The following SREBF2 variants were observed in gnomAD, a reference collection of about 807,000 sequenced individuals.
The protein encoded by SREBF2 is sterol regulatory element binding transcription factor 2, also known as sterol regulatory element-binding protein 2.
Under a neutral mutation model 113.1 loss-of-function variants are expected in SREBF2, and 55 were observed. The observed-to-expected ratio is 0.49, with a 90% CI of 0.39 to 0.61. The LOEUF is 0.61. SREBF2 is among the 20% of genes least tolerant of loss of function. SREBF2 has a pLI of 0.00. For missense variants in SREBF2, 1,349 were observed against 1,487.4 expected, an observed-to-expected ratio of 0.91 and a Z score of 1.53; for synonymous variants, 593 against 605.7, an observed-to-expected ratio of 0.98 and a Z score of 0.31.
intron 18 of SREBF2, 54 bp downstream of exon 18, chr22:41,905,028 AGAGAG>A: frequency 8.9e-6 from 13 of 1,462,678 alleles, no homozygotes; most frequent in Non-Finnish European, 1.1e-5. Context: ...CGCCCTAGGA[AGAGAG>A]GAGAAGAGGG....
At chr22:41,876,370 T>A (rs1404119596) in intron 7 of SREBF2, among the ~76,000 whole-genome samples, 1 of 152,224 alleles carries the variant, frequency 6.6e-6, no homozygotes, top group Non-Finnish European at 1.5e-5. Context: ...TATTGTATCA[T>A]ATACTTAATT....
chr22:41,877,242 C>G lies in SREBF2; in HGVS notation c.1400C>G (p.Pro467Arg). The G allele has an allele frequency of 6.2e-7, 1 of 1,614,182 alleles. No individual in the cohort carries two copies. Among genetic ancestry groups the G allele is most frequent in the African/African-American group, 1.3e-5 (1 of 75,032 alleles). Reference sequence around the variant, plus strand: ...CTTGTTTTGAAGGTCAAAGATGAGCCAGACTCTCCTCCTGTGGCGCTGGGC... The same window carrying G: ...CTTGTTTTGAAGGTCAAAGATGAGCGAGACTCTCCTCCTGTGGCGCTGGGC... Reference protein sequence around the residue: ...LLDDAKVKDEPDSPPVALGMV... With the variant: ...LLDDAKVKDERDSPPVALGMV... Residue 467 changes from proline (P) to arginine (R), a missense_variant, in exon 8 of 19, where the codon CCA becomes CGA. Coordinates refer to ENST00000361204, the MANE Select transcript of SREBF2 (RefSeq NM_004599.4).
intron 9 of SREBF2, among the ~76,000 whole-genome samples, chr22:41,878,359 G>A (rs1490047124): frequency 6.6e-6 from 1 of 152,174 alleles, no homozygotes; most frequent in Non-Finnish European, 1.5e-5. Context: ...TCTGAGGGAG[G>A]GGTTCTAGGG....
chr22:41,897,765 A>G (rs1039524599), intron 14 of SREBF2, among the ~76,000 whole-genome samples: 8 of 152,042 alleles, frequency 5.3e-5, no homozygotes, highest in Non-Finnish European at 7.4e-5. Flanking sequence ...GGAGGGAGGG[A>G]TCCCAGAAAA....
intron 1 of SREBF2, 28 bp from the exon 2 acceptor site, chr22:41,866,803 A>G (rs1475789512): frequency 1.2e-6 from 2 of 1,612,990 alleles, no homozygotes; most frequent in Non-Finnish European, 1.7e-6. Flanking sequence ...GGATAGCAAT[A>G]AAATTACTCC....
rs765350516 is a variant in SREBF2, at chr22:41,884,931, C to T, written c.2128C>T (p.Pro710Ser). Residue 710 changes from proline to serine, a missense_variant, in exon 11 of 19, where the codon CCG becomes TCG. This residue lies in a region of SREBF2 where 650 missense variants were observed against 644.1 expected (regional missense o/e 1.01). Transcript: ENST00000361204. The part of the protein sequence containing the change: ...LAECAEEKIP[P>S]STLVEIHLTA... ...TGAATGTGCAGAGGAGAAGATCCCA[C>T]CGAGCACACTGGTTGAGATCCATCT... 2 of 1,614,164 alleles carry T rather than the reference C, an allele frequency of 1.2e-6. No individual in the cohort carries two copies. The highest frequency in any genetic ancestry group is 2.2e-5 in the East Asian group (1 of 44,886).
rs759188548 is a variant in SREBF2, at chr22:41,894,920, C to T, written c.2478C>T (p.Asp826=). ...CTCAGGCCAAGAAGAAGGCTGGAGA[C>T]CAGGAAGAAGAGAGCTGGTAAAGTC... The part of the protein sequence containing the change: ...VKPQAKKKAG[D]QEEESCEFSS... Residue 826 remains aspartate (D), a synonymous_variant, in exon 13 of 19, where the codon GAC becomes GAT. Coordinates refer to ENST00000361204, the MANE Select transcript of SREBF2 (RefSeq NM_004599.4). 12 of 1,613,934 alleles carry T rather than the reference C, an allele frequency of 7.4e-6. No homozygotes were observed. Among genetic ancestry groups the T allele is most frequent in the Non-Finnish European group, 1.0e-5 (12 of 1,179,970 alleles).
At chr22:41,873,140 T>G (rs1569394253) in intron 4 of SREBF2, among the ~76,000 whole-genome samples, 2 of 151,524 alleles carry the variant, frequency 1.3e-5, no homozygotes, top group South Asian at 4.2e-4. Context: ...GAGTTTGTGG[T>G]GAGCCGAGAT....
At position 41,859,603 on chromosome 22, in the gene SREBF2, C is replaced by CA. The variant is rs1039548473; in HGVS notation, c.89-7216dup. On this transcript the variant is annotated intron_variant, in intron 1 of 18. Transcript: ENST00000361204. ...AAAGTAAGAGTTAAAGCAAAAGTGT[C>CA]AAAAAAAAAAAACCCACTATGAATA... Among the ~76,000 whole-genome samples, 952 of 137,162 alleles carry CA rather than the reference C, an allele frequency of 6.9e-3. 2 individuals carry two copies. Among genetic ancestry groups the CA allele is most frequent in the African/African-American group, 0.012 (444 of 37,526 alleles). The allele number at this position is 137,162 out of a possible 152,430, so 90.0% of individuals were successfully genotyped here.
chr22:41,898,667 G>C lies in SREBF2; in HGVS notation c.2624G>C (p.Arg875Pro), dbSNP rs777365783. Residue 875 changes from arginine (R) to proline (P), a missense_variant, in exon 15 of 19, where the codon CGG becomes CCG. Physicochemically the swap from Arg to Pro is moderately radical, Grantham distance 103. Around this residue, in one of 2 missense-constraint regions of SREBF2, gnomAD observed 650 missense variants for 644.1 expected, o/e 1.01. Transcript: ENST00000361204. Reference sequence around the variant, plus strand: ...CCTCTAGGTCCAGACATCATCTGTCGGTGGTGGACGTCTGCAATCACTGTG... The same window carrying C: ...CCTCTAGGTCCAGACATCATCTGTCCGTGGTGGACGTCTGCAATCACTGTG... ...KSALGPDIIC[R>P]WWTSAITVAI... is the part of the protein sequence containing the mutation. 6.2e-7 allele frequency: 1 copy of C among 1,614,034 alleles called. No homozygotes were observed. The highest frequency in any genetic ancestry group is 1.1e-5 in the South Asian group (1 of 91,054).
chr22:41,868,494 A>G, intron 2 of SREBF2, 117 bp from the exon 3 acceptor site: 1 of 1,172,744 alleles, frequency 8.5e-7, no homozygotes, highest in Non-Finnish European at 1.3e-6. Context: ...CATCATCTTC[A>G]GCAGTAGGTG....
intron 1 of SREBF2, among the ~76,000 whole-genome samples, chr22:41,856,348 C>G (rs1426420843): frequency 6.6e-6 from 1 of 151,918 alleles, no homozygotes; most frequent in East Asian, 1.9e-4. Flanking sequence ...AAGCTGGTCT[C>G]AAACTCCTGA....
At position 41,873,751 on chromosome 22, in the gene SREBF2, C is replaced by T. The variant is rs938611483; in HGVS notation, c.868-47C>T. 1.9e-6 allele frequency: 3 copies of T among 1,550,682 alleles called. No individual in the cohort carries two copies. The African/African-American group carries it at 4.1e-5, about 21-fold the overall frequency. ...AGGTCTGTGTTGAGGTTGCTTTATG[C>T]AGACTAACAAAGGGATCATTCTGCT... is the stretch of plus-strand genomic sequence containing the variant. On this transcript the variant is annotated intron_variant, in intron 4 of 18. Transcript: ENST00000361204.
In SREBF2 at chr22:41,900,442, C is replaced by T; in HGVS notation, c.2851C>T (p.His951Tyr). The change falls in exon 16 of 19, where the codon CAC (histidine) becomes TAC (tyrosine). Residue 951 changes from histidine (H) to tyrosine (Y), a missense_variant. His to Tyr is a moderately conservative substitution (Grantham distance 83). Coordinates refer to ENST00000361204, the MANE Select transcript of SREBF2 (RefSeq NM_004599.4). ...SFCHCERASG[H>Y]LWSSLNVSGA... ...CTGCCATTGCGAGAGGGCCAGTGGC[C>T]ACCTATGGAGCAGCCTCAACGTCAG... 1 of 1,613,892 alleles carries T rather than the reference C, an allele frequency of 6.2e-7. No individual in the cohort carries two copies. Among genetic ancestry groups the T allele is most frequent in the East Asian group, 2.2e-5 (1 of 44,880 alleles).
chr22:41,894,031 G>A (rs900150104), intron 12 of SREBF2, among the ~76,000 whole-genome samples: 1 of 152,098 alleles, frequency 6.6e-6, no homozygotes, highest in Non-Finnish European at 1.5e-5. Flanking sequence ...ATTGCTCAAC[G>A]TGAGAATTGT....
intron 17 of SREBF2, among the ~76,000 whole-genome samples, chr22:41,903,559 G>A (rs185314676): frequency 2.6e-5 from 4 of 152,298 alleles, no homozygotes; most frequent in Non-Finnish European, 5.9e-5. Flanking sequence ...TAGAGGCTTC[G>A]GTTCTGCTGC....
intron 1 of SREBF2, among the ~76,000 whole-genome samples, chr22:41,837,488 G>A (rs2076786739): frequency 6.6e-6 from 1 of 151,160 alleles, no homozygotes; most frequent in African/African-American, 2.4e-5. Context: ...AACCTGGGAG[G>A]CAGAGGTTGC....
intron 1 of SREBF2, among the ~76,000 whole-genome samples, chr22:41,834,233 T>A: frequency 1.3e-5 from 2 of 152,178 alleles, no homozygotes; most frequent in African/African-American, 2.4e-5. Flanking sequence ...GGTTTTTTTA[T>A]ACCCCTCCTT....
At chr22:41,861,624 C>T (rs1215452587) in intron 1 of SREBF2, among the ~76,000 whole-genome samples, 1 of 151,528 alleles carries the variant, frequency 6.6e-6, no homozygotes, top group Non-Finnish European at 1.5e-5. Flanking sequence ...ATGATTTTAA[C>T]AAATTATTAA....
Sources: allele counts gnomAD v4.1 joint callset (sites outside exome capture counted in the v4.1 genomes callset), GRCh38; gene constraint gnomAD v4.1.1; regional missense constraint gnomAD v4.1.1; transcripts MANE v1.5; gene names NCBI Gene and HGNC (gene_info 2026-07-23, HGNC 2026-07-21).